PPP1R9A: variants seen among roughly 807,000 people sequenced by gnomAD.
PPP1R9A encodes the protein protein phosphatase 1 regulatory subunit 9A, also known as neurabin-1.
Under a neutral mutation model 141.9 loss-of-function variants are expected in PPP1R9A, and 59 were observed. That is an observed-to-expected ratio of 0.42 (90% CI 0.34 to 0.52). The LOEUF (loss-of-function observed/expected upper bound fraction) is 0.52. Among genes scored for constraint, PPP1R9A ranks in the 20% least tolerant of loss-of-function variants. The pLI, the probability that PPP1R9A is intolerant of heterozygous loss-of-function variation, is 0.10. For synonymous variants in PPP1R9A, 500 were observed against 569.7 expected (o/e 0.88, Z 1.74); for missense variants, 1,444 against 1,611.9 (o/e 0.90, Z 1.78).
chr7:95,189,186 C>A (rs1835094813), intron 5 of PPP1R9A, among the ~76,000 whole-genome samples: 1 of 151,996 alleles, frequency 6.6e-6, no homozygotes, highest in Non-Finnish European at 1.5e-5. Context: ...TTTATGTTAC[C>A]ACTTTATGTT....
chr7:95,040,104 T>G (rs779266225), intron 2 of PPP1R9A, among the ~76,000 whole-genome samples: 3 of 152,180 alleles, frequency 2.0e-5, no homozygotes, highest in Non-Finnish European at 4.4e-5. Context: ...CAAGGTTGCA[T>G]ATATTCTATG....
chr7:95,188,578 G>GTGTGTGTC (rs1834989422), intron 5 of PPP1R9A, among the ~76,000 whole-genome samples: 1 of 148,668 alleles, frequency 6.7e-6, no homozygotes, highest in African/African-American at 2.5e-5. Context: ...TTGTGTGTGT[G>GTGTGTGTC]TGTGTGTCTG....
intron 9 of PPP1R9A, 64 bp downstream of exon 9, chr7:95,247,590 A>G: frequency 7.5e-7 from 1 of 1,325,090 alleles, no homozygotes; most frequent in Non-Finnish European, 1.1e-6. Context: ...GAATAAATCC[A>G]ATCCTAGGAC....
At position 94,986,300 on chromosome 7, in the gene PPP1R9A, G is replaced by C. The variant is rs1332856052; in HGVS notation, c.1395+74792G>C. Among the ~76,000 whole-genome samples, 15 of 152,130 alleles carry C rather than the reference G, an allele frequency of 9.9e-5. No homozygotes were observed. In the East Asian group the frequency reaches 2.1e-3, roughly 22 times the overall value. On this transcript the variant is annotated intron_variant, in intron 2 of 19. Coordinates refer to ENST00000433360, the MANE Select transcript of PPP1R9A (RefSeq NM_001166160.2). Reference sequence around the variant, plus strand: ...AAAATTATTAAAATTATTGTTACATGGATTAAAATATTGACATTCAGAAAT... The same window carrying C: ...AAAATTATTAAAATTATTGTTACATCGATTAAAATATTGACATTCAGAAAT...
intron 16 of PPP1R9A, 85 bp from the exon 17 acceptor site, chr7:95,283,933 C>T: frequency 8.4e-7 from 1 of 1,195,334 alleles, no homozygotes; most frequent in South Asian, 1.6e-5. Flanking sequence ...ATTGTTACTT[C>T]AAACTATATT....
chr7:94,996,825 G>C (rs146522520), intron 2 of PPP1R9A, among the ~76,000 whole-genome samples: 10 of 138,618 alleles, frequency 7.2e-5, no homozygotes, highest in Admixed American at 2.9e-4. Flanking sequence ...TTTTGAGATG[G>C]AGTTTTTGCT....
intron 2 of PPP1R9A, among the ~76,000 whole-genome samples, chr7:94,987,363 A>G (rs148168593): frequency 5.1e-4 from 78 of 152,324 alleles, no homozygotes; most frequent in Admixed American, 3.3e-4. Context: ...ATTAAATCCT[A>G]TTAAGAAAAC....
chr7:95,076,001 G>A (rs980660620), intron 2 of PPP1R9A, among the ~76,000 whole-genome samples: 1 of 152,146 alleles, frequency 6.6e-6, no homozygotes, highest in Non-Finnish European at 1.5e-5. Flanking sequence ...TTCTGATATG[G>A]AAGAGGAGAA....
intron 2 of PPP1R9A, among the ~76,000 whole-genome samples, chr7:94,961,094 A>G (rs937648933): frequency 4.0e-5 from 6 of 151,606 alleles, no homozygotes; most frequent in Admixed American, 1.3e-4. Context: ...TGATGTATTT[A>G]GTCTGGAAGG....
intron 14 of PPP1R9A, among the ~76,000 whole-genome samples, chr7:95,271,849 A>G (rs1430534267): frequency 1.3e-5 from 2 of 152,184 alleles, no homozygotes; most frequent in Non-Finnish European, 1.5e-5. Context: ...AACAAAATGT[A>G]TGTTTCTTTT....
chr7:94,999,162 T>C (rs1440685709), intron 2 of PPP1R9A, among the ~76,000 whole-genome samples: 1 of 152,230 alleles, frequency 6.6e-6, no homozygotes, highest in Non-Finnish European at 1.5e-5. Context: ...CTCTAAGTAG[T>C]AGATCATGGA....
In PPP1R9A at chr7:94,947,743, G is replaced by A. The variant is rs117611324; in HGVS notation, c.1395+36235G>A. Among the ~76,000 whole-genome samples the A allele has an allele frequency of 3.8e-3, 581 of 152,182 alleles. 3 individuals carry two copies. The highest frequency in any genetic ancestry group is 6.8e-3 in the Middle Eastern group (2 of 294). On this transcript the variant is annotated intron_variant, in intron 2 of 19. Coordinates refer to ENST00000433360, the MANE Select transcript of PPP1R9A (RefSeq NM_001166160.2). ...GTTTTTGCTGTGTTTAATGTTTTGAGTATATATGATAGTGACTTAGAATTT... is the reference window on the plus strand; with the variant it reads ...GTTTTTGCTGTGTTTAATGTTTTGAATATATATGATAGTGACTTAGAATTT...
intron 1 of PPP1R9A, 44 bp from the exon 2 acceptor site, chr7:94,909,854 C>A: frequency 3.2e-6 from 1 of 312,456 alleles, no homozygotes; most frequent in Non-Finnish European, 5.9e-6. Context: ...GACATAAATT[C>A]AAATAAGTAA....
At chr7:94,973,464 C>T (rs907180923) in intron 2 of PPP1R9A, among the ~76,000 whole-genome samples, 5 of 151,874 alleles carry the variant, frequency 3.3e-5, no homozygotes, top group African/African-American at 1.2e-4. Flanking sequence ...AAAAAGTGAA[C>T]GTTATAGATT....
intron 2 of PPP1R9A, among the ~76,000 whole-genome samples, chr7:95,063,780 G>A (rs1244711978): frequency 1.3e-5 from 2 of 152,092 alleles, no homozygotes; most frequent in Non-Finnish European, 2.9e-5. Context: ...GGAAATTTGT[G>A]GGGATGTGTT....
At chr7:95,263,079 G>T (rs1397342516) in intron 12 of PPP1R9A, among the ~76,000 whole-genome samples, 1 of 152,142 alleles carries the variant, frequency 6.6e-6, no homozygotes, top group Non-Finnish European at 1.5e-5. Flanking sequence ...CTTCTCTCAT[G>T]GGGAAGACTG....
chr7:95,125,746 T>G (rs577643012), intron 4 of PPP1R9A, among the ~76,000 whole-genome samples: 1 of 152,340 alleles, frequency 6.6e-6, no homozygotes, highest in African/African-American at 2.4e-5. Context: ...CTTTTCAATT[T>G]TATTGGAAGA....
In PPP1R9A at chr7:95,247,458, CTTTT is replaced by C. The variant is rs753448450; in HGVS notation, c.2113-14_2113-11del. On this transcript the variant is annotated splice_polypyrimidine_tract_variant and intron_variant, in intron 8 of 19. Transcript: ENST00000433360. ...CTTTCTTAGTTCAGATTTTTTCTTT[CTTTT>C]CAATTTTCAGTTGCAAATCAAACAT... 3 of 1,594,928 alleles carry C rather than the reference CTTTT, an allele frequency of 1.9e-6. No individual in the cohort carries two copies. The African/African-American group carries it at 4.0e-5, about 21-fold the overall frequency.
At chr7:95,029,146 C>T (rs1401749456) in intron 2 of PPP1R9A, among the ~76,000 whole-genome samples, 4 of 152,050 alleles carry the variant, frequency 2.6e-5, no homozygotes, top group East Asian at 1.9e-4. Flanking sequence ...ATACAGAGGC[C>T]GCGTATATTC....
Sources: allele counts gnomAD v4.1 joint callset (sites outside exome capture counted in the v4.1 genomes callset), GRCh38; gene constraint gnomAD v4.1.1; transcripts MANE v1.5; gene names NCBI Gene and HGNC (gene_info 2026-07-23, HGNC 2026-07-21).